NIPAL2: variants seen among roughly 807,000 people sequenced by gnomAD.
NIPAL2 encodes the protein NIPA like domain containing 2.
A neutral mutation model predicts 48.9 loss-of-function variants in NIPAL2; 43 were observed. The observed-to-expected ratio is 0.88, with a 90% CI of 0.69 to 1.13. NIPAL2 has a LOEUF of 1.13. Ranked by LOEUF, NIPAL2 falls within the 50% of genes most tolerant of loss-of-function variation. NIPAL2 has a pLI of 0.00. For synonymous variants in NIPAL2, 167 were observed against 174.6 expected, an observed-to-expected ratio of 0.96 and a Z score of 0.34; for missense variants, 446 against 461.4, an observed-to-expected ratio of 0.97 and a Z score of 0.31.
chr8:98,252,463 C>G lies in NIPAL2; in HGVS notation c.376G>C (p.Gly126Arg), dbSNP rs1245361667. ...TTTGTCAAAATACAGAATGGCTTAC[C>G]TGTAACAGACACACAGCCTAACGGA... ...IAPLGCVSVT[G>R]SAIISVTFLK... The change falls in exon 3 of 11, where the codon GGT becomes CGT. Residue 126 changes from glycine (G) to arginine (R), a missense_variant and splice_region_variant. By Grantham distance (125) the Gly-to-Arg change is moderately radical. Transcript: ENST00000430223. The G allele has an allele frequency of 6.3e-7, 1 of 1,598,522 alleles. No homozygotes were observed. Among genetic ancestry groups the G allele is most frequent in the South Asian group, 1.1e-5 (1 of 89,068 alleles).
intron 5 of NIPAL2, among the ~76,000 whole-genome samples, chr8:98,218,466 G>A (rs1811684208): frequency 6.6e-6 from 1 of 152,300 alleles, no homozygotes; most frequent in African/African-American, 2.4e-5. Flanking sequence ...ACAGACCCGA[G>A]ACAGGCAATC....
chr8:98,257,349 T>TTC (rs778023715), intron 1 of NIPAL2, among the ~76,000 whole-genome samples: 1 of 150,796 alleles, frequency 6.6e-6, no homozygotes, highest in African/African-American at 2.5e-5. Context: ...CTTTCTTTCT[T>TTC]TTTTTTTTTT....
At chr8:98,264,169 T>C (rs1416727333) in intron 1 of NIPAL2, among the ~76,000 whole-genome samples, 301 of 149,920 alleles carry the variant, frequency 2.0e-3, no homozygotes, top group South Asian at 0.013. Context: ...CCACAGCCAA[T>C]ATCATACTGA....
At chr8:98,261,847 T>C (rs1301760394) in intron 1 of NIPAL2, among the ~76,000 whole-genome samples, 1 of 136,960 alleles carries the variant, frequency 7.3e-6, no homozygotes, top group Non-Finnish European at 1.6e-5. Context: ...AAAGTTGAAA[T>C]GAAGGAAAAA....
At chr8:98,255,155 G>A (rs968965335) in intron 1 of NIPAL2, among the ~76,000 whole-genome samples, 3 of 151,584 alleles carry the variant, frequency 2.0e-5, no homozygotes, top group African/African-American at 4.8e-5. Flanking sequence ...ATATATAATC[G>A]TGTAACACAA....
At chr8:98,281,182 A>G (rs1271351068) in intron 1 of NIPAL2, among the ~76,000 whole-genome samples, 7 of 152,174 alleles carry the variant, frequency 4.6e-5, no homozygotes, top group South Asian at 2.1e-4. Flanking sequence ...GGGGACAGAC[A>G]ACTTCAGCAA....
intron 10 of NIPAL2, among the ~76,000 whole-genome samples, chr8:98,194,334 G>T (rs753093323): frequency 1.4e-4 from 21 of 152,134 alleles, no homozygotes; most frequent in Non-Finnish European, 2.6e-4. Context: ...GGCCACCTCA[G>T]GCTTCCCCCA....
At chr8:98,209,477 G>A (rs1057334878) in intron 6 of NIPAL2, among the ~76,000 whole-genome samples, 2 of 132,494 alleles carry the variant, frequency 1.5e-5, no homozygotes, top group African/African-American at 5.7e-5. Context: ...AATTAGCCAG[G>A]CATGATGCCA....
chr8:98,217,377 A>T (rs1326402069), intron 5 of NIPAL2: 3 of 972,134 alleles, frequency 3.1e-6, no homozygotes, highest in African/African-American at 3.5e-5. Context: ...TATAAAATGT[A>T]TTCAGGCTTA....
At chr8:98,216,760 G>A (rs183288577) in intron 5 of NIPAL2, among the ~76,000 whole-genome samples, 71 of 152,294 alleles carry the variant, frequency 4.7e-4, no homozygotes, top group Admixed American at 1.6e-3. Flanking sequence ...TGGAAAATCT[G>A]GGTGAGCAAA....
At chr8:98,194,881 A>G in intron 9 of NIPAL2, 59 bp from the exon 10 acceptor site, 1 of 972,568 alleles carries the variant, frequency 1.0e-6, no homozygotes, top group Non-Finnish European at 1.5e-6. Flanking sequence ...ATGGTATTAA[A>G]TAACTGAGCT....
chr8:98,214,979 C>T (rs1369410378), intron 5 of NIPAL2, among the ~76,000 whole-genome samples: 1 of 152,180 alleles, frequency 6.6e-6, no homozygotes, highest in Non-Finnish European at 1.5e-5. Flanking sequence ...AGAAATATCC[C>T]TCTGGGCCCA....
In NIPAL2 at chr8:98,252,497, A is replaced by C; in HGVS notation, c.342T>G (p.Thr114=). The change falls in exon 3 of 11, where the codon ACT becomes ACG. Residue 114 remains threonine, a synonymous_variant. Coordinates refer to ENST00000430223, the MANE Select transcript of NIPAL2 (RefSeq NM_001321635.2). ...ACACACAGCCTAACGGAGCGATCAGAGTAATGGGAGCAAATCCATAGGCTG... is the reference window on the plus strand; with the variant it reads ...ACACACAGCCTAACGGAGCGATCAGCGTAATGGGAGCAAATCCATAGGCTG... The part of the protein sequence containing the change: ...NFAAYGFAPI[T]LIAPLGCVSV... The C allele has an allele frequency of 1.2e-6, 2 of 1,614,000 alleles. No homozygotes were observed. Among genetic ancestry groups the C allele is most frequent in the Non-Finnish European group, 1.7e-6 (2 of 1,179,972 alleles).
chr8:98,192,966 CCTT>C lies in NIPAL2; in HGVS notation c.*9_*11del, dbSNP rs1563476864. The C allele has an allele frequency of 2.6e-6, 4 of 1,555,580 alleles. No homozygotes were observed. The South Asian group carries it at 4.5e-5, about 17-fold the overall frequency. On this transcript the variant is annotated 3_prime_UTR_variant, in exon 11 of 11. Coordinates refer to ENST00000430223, the MANE Select transcript of NIPAL2 (RefSeq NM_001321635.2). ...TATCGAATAACAGGCCAACAGCCAT[CCTT>C]CTCAGCATTTAGACCTCTTTCTTCT...
intron 6 of NIPAL2, among the ~76,000 whole-genome samples, chr8:98,209,706 T>C (rs1185265223): frequency 6.6e-6 from 1 of 152,104 alleles, no homozygotes; most frequent in Non-Finnish European, 1.5e-5. Flanking sequence ...GTATCAATAT[T>C]TAGCAGTGAT....
intron 4 of NIPAL2, among the ~76,000 whole-genome samples, chr8:98,231,391 G>A (rs543737029): frequency 6.6e-6 from 1 of 152,252 alleles, no homozygotes; most frequent in South Asian, 2.1e-4. Context: ...CTGACTTCTG[G>A]TGTGGGAAAT....
intron 2 of NIPAL2, among the ~76,000 whole-genome samples, chr8:98,253,376 G>A (rs1005290081): frequency 2.6e-5 from 4 of 152,148 alleles, no homozygotes; most frequent in East Asian, 1.9e-4. Flanking sequence ...GATTCAAATC[G>A]TTTTAAAGAC....
intron 1 of NIPAL2, among the ~76,000 whole-genome samples, chr8:98,273,295 T>G (rs1162293696): frequency 6.6e-6 from 1 of 152,138 alleles, no homozygotes; most frequent in Non-Finnish European, 1.5e-5. Flanking sequence ...TCTATTAATA[T>G]TAAATGTCCA....
At chr8:98,202,243 A>AG (rs1237516554) in intron 8 of NIPAL2, among the ~76,000 whole-genome samples, 177 of 152,328 alleles carry the variant, frequency 1.2e-3, no homozygotes, top group African/African-American at 4.1e-3. Flanking sequence ...TGGAACATTG[A>AG]ATTCAGTTTT....
Sources: allele counts gnomAD v4.1 joint callset (sites outside exome capture counted in the v4.1 genomes callset), GRCh38; gene constraint gnomAD v4.1.1; transcripts MANE v1.5; gene names NCBI Gene and HGNC (gene_info 2026-07-23, HGNC 2026-07-21).